The following RAB6B variants were observed in gnomAD, a reference collection of about 807,000 sequenced individuals.
The protein encoded by RAB6B is ras-related protein Rab-6B.
A neutral mutation model predicts 31.2 loss-of-function variants in RAB6B; 7 were observed. The observed-to-expected ratio is 0.22, with a 90% CI of 0.13 to 0.42. The LOEUF is 0.42. RAB6B is among the 10% of genes least tolerant of loss of function. RAB6B has a pLI of 1.00. For missense variants in RAB6B, 149 were observed against 280.6 expected (o/e 0.53, Z 3.35); for synonymous variants, 105 against 104.9 (o/e 1.00, Z -0.01).
chr3:133,843,309 G>A (rs1935863384), intron 2 of RAB6B, among the ~76,000 whole-genome samples: 1 of 152,248 alleles, frequency 6.6e-6, no homozygotes, highest in Admixed American at 6.5e-5. Context: ...GATCAGAGCT[G>A]CAAACTTGGC....
At chr3:133,841,923 G>C (rs1432006008) in intron 2 of RAB6B, among the ~76,000 whole-genome samples, 1 of 152,216 alleles carries the variant, frequency 6.6e-6, no homozygotes, top group African/African-American at 2.4e-5. Flanking sequence ...GAAGCAGTGA[G>C]AGCGCAGTGG....
At chr3:133,881,830 T>C (rs1186113424) in intron 1 of RAB6B, among the ~76,000 whole-genome samples, 1 of 152,254 alleles carries the variant, frequency 6.6e-6, no homozygotes, top group Non-Finnish European at 1.5e-5. Context: ...CTGTGTAAAA[T>C]GAGGCCATCT....
Position 133,827,816 on chromosome 3 carries a change from G to A in RAB6B, c.*972C>T. 1 of 543,966 alleles carries A rather than the reference G, an allele frequency of 1.8e-6. No homozygotes were observed. 33.7% of individuals were successfully genotyped at this position (543,966 alleles called of 1,614,324 possible). ...GTGGTCCAGCTTCCCTGACATCCAG[G>A]AGGAAGGCTTCAGGATGGCACACTG... On this transcript the variant is annotated 3_prime_UTR_variant, in exon 8 of 8. Coordinates refer to ENST00000285208, the MANE Select transcript of RAB6B (RefSeq NM_016577.4).
At chr3:133,847,286 C>G (rs1342178189) in intron 2 of RAB6B, among the ~76,000 whole-genome samples, 1 of 152,248 alleles carries the variant, frequency 6.6e-6, no homozygotes, top group Non-Finnish European at 1.5e-5. Context: ...ACAGCTGAGA[C>G]TGCAGTCAAG....
intron 1 of RAB6B, 145 bp from the exon 2 acceptor site, chr3:133,864,787 C>T (rs1303853420): frequency 1.3e-6 from 1 of 798,936 alleles, no homozygotes; most frequent in Non-Finnish European, 2.1e-6. Context: ...GGAGACAGGC[C>T]CCTGCTAGGG....
At chr3:133,843,602 G>A (rs1935867628) in intron 2 of RAB6B, among the ~76,000 whole-genome samples, 1 of 152,210 alleles carries the variant, frequency 6.6e-6, no homozygotes, top group Non-Finnish European at 1.5e-5. Context: ...AGGGACTGCT[G>A]GTTGTCCCCA....
intron 1 of RAB6B, among the ~76,000 whole-genome samples, chr3:133,871,660 A>G (rs1233358393): frequency 6.6e-6 from 1 of 152,212 alleles, no homozygotes; most frequent in African/African-American, 2.4e-5. Context: ...TGTCGCCTCC[A>G]CAGCGGGTGT....
rs538508537 is a variant in RAB6B, at chr3:133,883,970, A to G, written c.70+11427T>C. Among the ~76,000 whole-genome samples, 7 of 152,154 alleles carry G rather than the reference A, an allele frequency of 4.6e-5. No individual in the cohort carries two copies. In the South Asian group the frequency reaches 1.5e-3, roughly 32 times the overall value. On this transcript the variant is annotated intron_variant, in intron 1 of 7. Coordinates refer to ENST00000285208, the MANE Select transcript of RAB6B (RefSeq NM_016577.4). Reference sequence around the variant, plus strand: ...TGTTGTTTGTGGCCCAGCCTTCCAAACCAGTTTTTCTCTGGGCCAGCTGCT... The same window carrying G: ...TGTTGTTTGTGGCCCAGCCTTCCAAGCCAGTTTTTCTCTGGGCCAGCTGCT...
intron 2 of RAB6B, among the ~76,000 whole-genome samples, chr3:133,847,897 C>T (rs2107994635): frequency 6.6e-6 from 1 of 152,290 alleles, no homozygotes; most frequent in South Asian, 2.1e-4. Flanking sequence ...TTATTGTTCT[C>T]TTCTAGGATC....
Position 133,879,491 on chromosome 3 carries a change from G to A in RAB6B, c.71-14849C>T, listed in dbSNP as rs1936438410. On this transcript the variant is annotated intron_variant, in intron 1 of 7. Transcript: ENST00000285208. ...AAAGCCTGGATCAATCAATTCAGTG[G>A]CCAGGGTCCATGTGTAACCACCATG... is the stretch of plus-strand genomic sequence containing the variant. Among the ~76,000 whole-genome samples, 2 of 152,158 alleles carry A rather than the reference G, an allele frequency of 1.3e-5. 1 individual carries two copies. Among genetic ancestry groups the A allele is most frequent in the South Asian group, 4.1e-4 (2 of 4,824 alleles).
chr3:133,884,984 T>C (rs1339430583), intron 1 of RAB6B, among the ~76,000 whole-genome samples: 1 of 136,608 alleles, frequency 7.3e-6, no homozygotes, highest in Non-Finnish European at 1.5e-5. Context: ...ACACACCAAA[T>C]AACCAGAGGA....
chr3:133,825,655 G>A lies in RAB6B; in HGVS notation c.*3133C>T, dbSNP rs1312992440. On this transcript the variant is annotated 3_prime_UTR_variant, in exon 8 of 8. Transcript: ENST00000285208. ...GATCAGAACCAATGTGTTTCCACTT[G>A]TAAATAGGCTGTTTGCTTTTTCCAT... is the stretch of plus-strand genomic sequence containing the variant. 3 of 152,192 alleles carry A rather than the reference G, an allele frequency of 2.0e-5. No homozygotes were observed. The highest frequency in any genetic ancestry group is 4.4e-5 in the Non-Finnish European group (3 of 68,056). The allele number at this position is 152,192 out of a possible 1,614,324, so 9.4% of individuals were successfully genotyped here.
chr3:133,891,624 G>A (rs577480068), intron 1 of RAB6B, among the ~76,000 whole-genome samples: 4 of 152,182 alleles, frequency 2.6e-5, no homozygotes, highest in African/African-American at 4.8e-5. Context: ...GCAGGAATAC[G>A]CTCAAAGAAT....
intron 2 of RAB6B, among the ~76,000 whole-genome samples, chr3:133,857,110 T>C (rs1936091745): frequency 6.6e-6 from 1 of 152,208 alleles, no homozygotes; most frequent in South Asian, 2.1e-4. Flanking sequence ...TTTGTTTCAC[T>C]TTATCACTAT....
intron 5 of RAB6B, 110 bp downstream of exon 5, chr3:133,839,396 C>A (rs1248998384): frequency 2.1e-6 from 2 of 937,796 alleles, no homozygotes; most frequent in Non-Finnish European, 3.4e-6. Context: ...TTTCCGGATG[C>A]ATGGTCAGAA....
chr3:133,865,023 T>G (rs556837292), intron 1 of RAB6B, among the ~76,000 whole-genome samples: 1 of 152,392 alleles, frequency 6.6e-6, no homozygotes, highest in South Asian at 2.1e-4. Context: ...CTTGCCCATG[T>G]ACACCTTGTT....
At chr3:133,890,261 C>A (rs1180409390) in intron 1 of RAB6B, among the ~76,000 whole-genome samples, 1 of 152,066 alleles carries the variant, frequency 6.6e-6, no homozygotes, top group Non-Finnish European at 1.5e-5. Flanking sequence ...GAAGTGCCCC[C>A]CAAGAACTTC....
At chr3:133,873,990 G>A (rs895895049) in intron 1 of RAB6B, among the ~76,000 whole-genome samples, 1 of 152,168 alleles carries the variant, frequency 6.6e-6, no homozygotes, top group African/African-American at 2.4e-5. Flanking sequence ...TCATCATAAA[G>A]GTCTTCATCT....
chr3:133,836,477 C>T (rs543084707), intron 6 of RAB6B, among the ~76,000 whole-genome samples: 4 of 152,094 alleles, frequency 2.6e-5, no homozygotes, highest in Non-Finnish European at 5.9e-5. Flanking sequence ...GGAGTCTGCA[C>T]TGCATGGACA....
Sources: allele counts gnomAD v4.1 joint callset (sites outside exome capture counted in the v4.1 genomes callset), GRCh38; gene constraint gnomAD v4.1.1; transcripts MANE v1.5; gene names NCBI Gene and HGNC (gene_info 2026-07-23, HGNC 2026-07-21).